DIS3L2: variants seen among roughly 807,000 people sequenced by gnomAD.
DIS3L2 encodes DIS3-like exonuclease 2.
In DIS3L2, 34 loss-of-function variants were observed where a neutral mutation model predicts 97.5. The ratio of observed to expected loss-of-function variants is 0.35; its 90% CI spans 0.27 to 0.46. The LOEUF is 0.46. DIS3L2 is among the 20% of genes least tolerant of loss of function. DIS3L2 has a pLI of 1.00. For missense variants in DIS3L2, 1,038 were observed against 1,146.0 expected (o/e 0.91, Z 1.36); for synonymous variants, 435 against 445.2 (o/e 0.98, Z 0.29).
At chr2:232,060,743 G>A (rs1241313615) in intron 5 of DIS3L2, among the ~76,000 whole-genome samples, 1 of 151,994 alleles carries the variant, frequency 6.6e-6, no homozygotes, top group Non-Finnish European at 1.5e-5. Flanking sequence ...GATTGCTTTG[G>A]GTAGTATGGA....
At chr2:232,071,314 G>T (rs1696009639) in intron 5 of DIS3L2, among the ~76,000 whole-genome samples, 1 of 152,002 alleles carries the variant, frequency 6.6e-6, no homozygotes. Context: ...GAGAACCCAG[G>T]AGTTCTAGAC....
At chr2:232,013,701 G>A (rs1243948086) in intron 1 of DIS3L2, among the ~76,000 whole-genome samples, 1 of 152,114 alleles carries the variant, frequency 6.6e-6, no homozygotes, top group Non-Finnish European at 1.5e-5. Flanking sequence ...TGAAATTAAC[G>A]AGTGGATAAA....
At chr2:232,187,855 A>G (rs1367858875) in intron 9 of DIS3L2, among the ~76,000 whole-genome samples, 2 of 152,064 alleles carry the variant, frequency 1.3e-5, no homozygotes, top group African/African-American at 2.4e-5. Context: ...GGGCAACATA[A>G]TAAGATCCTT....
At chr2:232,005,310 T>C (rs1574804348) in intron 1 of DIS3L2, among the ~76,000 whole-genome samples, 1 of 152,122 alleles carries the variant, frequency 6.6e-6, no homozygotes, top group Non-Finnish European at 1.5e-5. Flanking sequence ...TTTTTAGGCC[T>C]TTATAATGTT....
chr2:232,195,802 T>C (rs1322523343), intron 9 of DIS3L2, among the ~76,000 whole-genome samples: 1 of 152,046 alleles, frequency 6.6e-6, no homozygotes, highest in Non-Finnish European at 1.5e-5. Flanking sequence ...ATAGGAGCAA[T>C]TGAGAGGTGG....
At chr2:232,027,155 A>G (rs1200781689) in intron 4 of DIS3L2, among the ~76,000 whole-genome samples, 1 of 152,172 alleles carries the variant, frequency 6.6e-6, no homozygotes, top group Admixed American at 6.5e-5. Flanking sequence ...GATTACTCAT[A>G]CATAAAGCCC....
At chr2:232,285,962 T>A (rs1344806947) in intron 13 of DIS3L2, among the ~76,000 whole-genome samples, 1 of 152,236 alleles carries the variant, frequency 6.6e-6, no homozygotes, top group Non-Finnish European at 1.5e-5. Flanking sequence ...GCTAGAGACA[T>A]GTTTCAACTT....
chr2:232,111,368 T>C, intron 6 of DIS3L2: 1 of 417,618 alleles, frequency 2.4e-6, no homozygotes, highest in South Asian at 1.8e-5. Context: ...AGTGTTTGCT[T>C]CCCTTTTCCC....
intron 9 of DIS3L2, among the ~76,000 whole-genome samples, chr2:232,209,688 G>C (rs1692132819): frequency 6.6e-6 from 1 of 152,174 alleles, no homozygotes; most frequent in Non-Finnish European, 1.5e-5. Flanking sequence ...ATTGAGTCAG[G>C]CATGCTATAT....
chr2:232,231,357 C>A (rs1213179966), intron 10 of DIS3L2, among the ~76,000 whole-genome samples: 1 of 152,134 alleles, frequency 6.6e-6, no homozygotes, highest in African/African-American at 2.4e-5. Context: ...GTCCCAGGGG[C>A]CATATGCTGG....
intron 5 of DIS3L2, among the ~76,000 whole-genome samples, chr2:232,065,678 G>A (rs1695835551): frequency 6.6e-6 from 1 of 151,874 alleles, no homozygotes; most frequent in South Asian, 2.1e-4. Context: ...ATATTGATGG[G>A]AAATTTAGAA....
chr2:232,329,785 T>TCCCAGGGGGGGCCCCCC, intron 14 of DIS3L2, 28 bp from the exon 15 acceptor site: 1 of 967,144 alleles, frequency 1.0e-6, no homozygotes. Context: ...ACCCCAGCGG[T>TCCCAGGGGGGGCCCCCC]CCCTCCCATC....
chr2:232,262,508 A>G (rs889473811), intron 12 of DIS3L2, among the ~76,000 whole-genome samples: 8 of 152,226 alleles, frequency 5.3e-5, no homozygotes, highest in Non-Finnish European at 1.2e-4. Context: ...ACATTTGGCC[A>G]TGTCTGGAGA....
At chr2:231,978,368 A>G (rs896919131) in intron 1 of DIS3L2, 16 of 152,164 alleles carry the variant, frequency 1.1e-4, no homozygotes, top group Non-Finnish European at 2.9e-5. Flanking sequence ...GTTTAATTTT[A>G]CATGTTTTTG....
rs1358902559 is a variant in DIS3L2, at chr2:232,276,624, C to T, written c.1659+13184C>T. The stretch of plus-strand genomic sequence containing the variant: ...GCCCCAACTCTCAGCTCTCCTGTTG[C>T]TACCAGCTTCCAGTCAATGACTGTT... On this transcript the variant is annotated intron_variant, in intron 13 of 20. Coordinates refer to ENST00000325385, the MANE Select transcript of DIS3L2 (RefSeq NM_152383.5). This position sits in a 1 kb window ranked among gnomAD's most constrained non-coding sequence, Gnocchi z 4.4. Among the ~76,000 whole-genome samples the T allele has an allele frequency of 6.6e-6, 1 of 152,352 alleles. No individual in the cohort carries two copies. The highest frequency in any genetic ancestry group is 2.1e-4 in the South Asian group (1 of 4,826).
rs963312897 is a variant in DIS3L2 at position 231,998,309 on chromosome 2, A to G, written c.-93-16526A>G. ...AGCAAGAGCAGAGAGGGCCAAACTC[A>G]CTTTTATCAGGAACTCATTTCTGTG... On this transcript the variant is annotated intron_variant, in intron 1 of 20. Coordinates refer to ENST00000325385, the MANE Select transcript of DIS3L2 (RefSeq NM_152383.5). 3.3e-5 allele frequency among the ~76,000 whole-genome samples: 5 copies of G among 152,346 alleles called. No homozygotes were observed. In the South Asian group the frequency reaches 1.0e-3, roughly 32 times the overall value.
intron 1 of DIS3L2, among the ~76,000 whole-genome samples, chr2:231,994,815 C>CTTTTTTTTTTT (rs560154000): frequency 1.5e-5 from 2 of 134,452 alleles, no homozygotes; most frequent in African/African-American, 5.6e-5. Flanking sequence ...CATTCTTTTT[C>CTTTTTTTTTTT]TTTTTTTTTT....
chr2:231,980,008 ACTCT>A (rs781609215), intron 1 of DIS3L2, among the ~76,000 whole-genome samples: 5 of 151,718 alleles, frequency 3.3e-5, no homozygotes, highest in East Asian at 1.9e-4. Context: ...CTGTTTCTAG[ACTCT>A]CTGTTTCCTT....
At chr2:232,113,451 A>G (rs995873228) in intron 6 of DIS3L2, among the ~76,000 whole-genome samples, 2 of 152,240 alleles carry the variant, frequency 1.3e-5, no homozygotes, top group African/African-American at 2.4e-5. Flanking sequence ...CCAGGCCTGC[A>G]TGAATATGCT....
Sources: allele counts gnomAD v4.1 joint callset (sites outside exome capture counted in the v4.1 genomes callset), GRCh38; gene constraint gnomAD v4.1.1; non-coding constraint Gnocchi (gnomAD v3.1); transcripts MANE v1.5; gene names NCBI Gene and HGNC (gene_info 2026-07-23, HGNC 2026-07-21).